RNF121: variants seen among roughly 807,000 people sequenced by gnomAD.
RNF121 encodes E3 ubiquitin ligase RNF121.
Under a neutral mutation model 46.5 loss-of-function variants are expected in RNF121, and 21 were observed. The observed-to-expected ratio is 0.45, with a 90% CI of 0.32 to 0.65. The LOEUF (loss-of-function observed/expected upper bound fraction) is 0.65. Among genes scored for constraint, RNF121 ranks in the 30% least tolerant of loss-of-function variants. RNF121 has a pLI of 0.04. For synonymous variants in RNF121, 139 were observed against 144.7 expected, an observed-to-expected ratio of 0.96 and a Z score of 0.28; for missense variants, 346 against 416.0, an observed-to-expected ratio of 0.83 and a Z score of 1.46.
intron 1 of RNF121, among the ~76,000 whole-genome samples, chr11:71,942,575 C>T (rs899597864): frequency 4.6e-5 from 7 of 151,746 alleles, no homozygotes; most frequent in Admixed American, 3.3e-4. Flanking sequence ...CTAGCCAGGC[C>T]AACATGGTGA....
chr11:71,970,155 A>C (rs778260036), intron 3 of RNF121, among the ~76,000 whole-genome samples: 2 of 152,216 alleles, frequency 1.3e-5, no homozygotes, highest in Non-Finnish European at 2.9e-5. Flanking sequence ...TTCCACTTAT[A>C]TGAGATATCT....
At chr11:71,974,523 A>G (rs1954487886) in intron 3 of RNF121, among the ~76,000 whole-genome samples, 1 of 152,156 alleles carries the variant, frequency 6.6e-6, no homozygotes, top group Non-Finnish European at 1.5e-5. Context: ...TAGTAAACCA[A>G]GGTACAGAAT....
At chr11:71,973,986 G>C (rs1954475470) in intron 3 of RNF121, among the ~76,000 whole-genome samples, 1 of 152,126 alleles carries the variant, frequency 6.6e-6, no homozygotes. Context: ...CTTTCACCCA[G>C]GCCAGACTGC....
Position 71,935,852 on chromosome 11 carries a change from T to C in RNF121, c.63+6728T>C, listed in dbSNP as rs188398737. Reference sequence around the variant, plus strand: ...AAGACATAATATTCTTTTTCTTTTTTTTTTTTTTTTTTTTTGAGATGGAGT... The same window carrying C: ...AAGACATAATATTCTTTTTCTTTTTCTTTTTTTTTTTTTTTGAGATGGAGT... On this transcript the variant is annotated intron_variant, in intron 1 of 8. Coordinates refer to ENST00000361756, the MANE Select transcript of RNF121 (RefSeq NM_018320.5). 6.8e-3 allele frequency among the ~76,000 whole-genome samples: 984 copies of C among 144,896 alleles called. 7 individuals carry two copies. The highest frequency in any genetic ancestry group is 0.019 in the East Asian group (98 of 5,066).
At chr11:71,984,424 C>T (rs1954724843) in intron 4 of RNF121, among the ~76,000 whole-genome samples, 1 of 151,510 alleles carries the variant, frequency 6.6e-6, no homozygotes. Flanking sequence ...GGACTACAGG[C>T]ACCCGCCACC....
At chr11:71,935,126 T>C (rs2134144248) in intron 1 of RNF121, among the ~76,000 whole-genome samples, 1 of 151,928 alleles carries the variant, frequency 6.6e-6, no homozygotes, top group South Asian at 2.1e-4. Flanking sequence ...AGAGACAGAG[T>C]TTCACCATGT....
chr11:71,958,704 C>T (rs986002591), intron 2 of RNF121, among the ~76,000 whole-genome samples: 2 of 151,822 alleles, frequency 1.3e-5, no homozygotes, highest in African/African-American at 4.8e-5. Context: ...AGACTCTCTC[C>T]AAAAAAATAA....
chr11:71,984,872 C>A (rs1048698829), intron 4 of RNF121, among the ~76,000 whole-genome samples: 3 of 151,368 alleles, frequency 2.0e-5, no homozygotes, highest in Non-Finnish European at 4.4e-5. Flanking sequence ...CAAGTGTGAG[C>A]CACCACGCCC....
rs564227859 is a variant in RNF121 at position 71,950,280 on chromosome 11, C to T, written c.64-6947C>T. 4.0e-5 allele frequency among the ~76,000 whole-genome samples: 6 copies of T among 151,868 alleles called. No homozygotes were observed. The East Asian group carries it at 1.2e-3, about 30-fold the overall frequency. On this transcript the variant is annotated intron_variant, in intron 1 of 8. Coordinates refer to ENST00000361756, the MANE Select transcript of RNF121 (RefSeq NM_018320.5). ...TTTTTGATGTATGCATATGGTAGTC[C>T]CTTGGTAGATTTTTATTGATATAGC...
chr11:71,962,538 G>A (rs1954162013), intron 3 of RNF121, among the ~76,000 whole-genome samples: 1 of 152,194 alleles, frequency 6.6e-6, no homozygotes, highest in African/African-American at 2.4e-5. Context: ...AACAGGAGAT[G>A]TGTCTGTGAC....
At chr11:71,949,114 T>C (rs1953800282) in intron 1 of RNF121, among the ~76,000 whole-genome samples, 1 of 152,210 alleles carries the variant, frequency 6.6e-6, no homozygotes, top group Non-Finnish European at 1.5e-5. Flanking sequence ...CTCTTTAATG[T>C]TTTGTGAAAG....
intron 3 of RNF121, among the ~76,000 whole-genome samples, chr11:71,982,460 G>A (rs1954684696): frequency 6.6e-6 from 1 of 151,986 alleles, no homozygotes; most frequent in African/African-American, 2.4e-5. Flanking sequence ...TCAAAAGGAT[G>A]GACACTGAAT....
chr11:71,954,988 C>T (rs1380065841), intron 1 of RNF121, among the ~76,000 whole-genome samples: 1 of 152,128 alleles, frequency 6.6e-6, no homozygotes, highest in African/African-American at 2.4e-5. Context: ...TGCTGTTCTC[C>T]TTGAAAGACA....
At chr11:71,957,384 G>A (rs1214205883) in intron 2 of RNF121, 120 bp downstream of exon 2, 1 of 753,244 alleles carries the variant, frequency 1.3e-6, no homozygotes, top group Non-Finnish European at 2.4e-6. Flanking sequence ...ATGACCGGTA[G>A]GACTGGTCTT....
chr11:71,964,255 A>T (rs980272845), intron 3 of RNF121, among the ~76,000 whole-genome samples: 2 of 152,006 alleles, frequency 1.3e-5, no homozygotes, highest in East Asian at 1.9e-4. Context: ...TAAGTATGTT[A>T]TTCTTTTTGA....
At chr11:71,971,107 G>A (rs1954410608) in intron 3 of RNF121, among the ~76,000 whole-genome samples, 1 of 152,176 alleles carries the variant, frequency 6.6e-6, no homozygotes, top group Admixed American at 6.5e-5. Flanking sequence ...AAGCAGGCTG[G>A]GTGTGGTGAC....
chr11:71,960,622 G>A, intron 2 of RNF121, 128 bp from the exon 3 acceptor site: 1 of 1,073,558 alleles, frequency 9.3e-7, no homozygotes, highest in Non-Finnish European at 1.3e-6. Flanking sequence ...TAATTTGTGT[G>A]GTACCCTGCA....
intron 4 of RNF121, among the ~76,000 whole-genome samples, chr11:71,986,613 A>G (rs191333855): frequency 6.6e-6 from 1 of 152,056 alleles, no homozygotes; most frequent in African/African-American, 2.4e-5. Context: ...TAAAAAAAAT[A>G]TAAAAATTAG....
Position 71,996,319 on chromosome 11 carries a change from T to C in RNF121, c.*4T>C, listed in dbSNP as rs1259204384. On this transcript the variant is annotated 3_prime_UTR_variant, in exon 9 of 9. Coordinates refer to ENST00000361756, the MANE Select transcript of RNF121 (RefSeq NM_018320.5). ...CTACATCCTGGGCCTGGAATAGTGATGAAGAGCATCAGTGGAAAACCCACC... is the reference window on the plus strand; with the variant it reads ...CTACATCCTGGGCCTGGAATAGTGACGAAGAGCATCAGTGGAAAACCCACC... The C allele has an allele frequency of 2.5e-6, 4 of 1,613,840 alleles. No individual in the cohort carries two copies. The highest frequency in any genetic ancestry group is 1.3e-5 in the African/African-American group (1 of 74,900).
Sources: allele counts gnomAD v4.1 joint callset (sites outside exome capture counted in the v4.1 genomes callset), GRCh38; gene constraint gnomAD v4.1.1; transcripts MANE v1.5; gene names NCBI Gene and HGNC (gene_info 2026-07-23, HGNC 2026-07-21).